DNAAF11: variants seen among roughly 807,000 people sequenced by gnomAD.
DNAAF11 encodes the protein leucine rich repeat containing 6.
DNAAF11 carries 45 observed loss-of-function variants against 60.8 expected under a neutral mutation model. The ratio of observed to expected loss-of-function variants is 0.74; its 90% CI spans 0.58 to 0.95. The LOEUF is 0.95. Ranked by LOEUF, DNAAF11 falls within the 40% of genes least tolerant of loss-of-function variation. The pLI is 0.00. For missense variants in DNAAF11, 546 were observed against 546.2 expected (o/e 1.00, Z 0.00); for synonymous variants, 191 against 183.5 (o/e 1.04, Z -0.33).
intron 5 of DNAAF11, among the ~76,000 whole-genome samples, chr8:132,631,128 TCTG>T (rs1820757571): frequency 6.6e-6 from 1 of 152,218 alleles, no homozygotes; most frequent in Non-Finnish European, 1.5e-5. Flanking sequence ...TTGGGCATCT[TCTG>T]TTGTGCCAGG....
At chr8:132,624,038 TA>T (rs1820010185) in intron 6 of DNAAF11, among the ~76,000 whole-genome samples, 1 of 151,886 alleles carries the variant, frequency 6.6e-6, no homozygotes, top group African/African-American at 2.4e-5. Flanking sequence ...TAACAGGGAG[TA>T]AAAAAAATTT....
intron 3 of DNAAF11, among the ~76,000 whole-genome samples, chr8:132,645,308 C>T (rs992329362): frequency 1.3e-5 from 2 of 152,102 alleles, no homozygotes; most frequent in African/African-American, 2.4e-5. Flanking sequence ...ACAGAAAGGA[C>T]ATCCACACCA....
intron 1 of DNAAF11, among the ~76,000 whole-genome samples, chr8:132,666,341 C>T (rs528428558): frequency 5.9e-5 from 9 of 152,246 alleles, no homozygotes; most frequent in African/African-American, 2.2e-4. Context: ...AATGGATATG[C>T]TAATTACCCT....
intron 10 of DNAAF11, among the ~76,000 whole-genome samples, chr8:132,591,418 A>C (rs1021765306): frequency 3.3e-5 from 5 of 151,390 alleles, no homozygotes; most frequent in African/African-American, 9.7e-5. Flanking sequence ...TAAGCCATAA[A>C]ATTTTTTTAA....
chr8:132,619,655 T>C lies in DNAAF11; in HGVS notation c.914+2956A>G, dbSNP rs181834866. Among the ~76,000 whole-genome samples, 103 of 152,216 alleles carry C rather than the reference T, an allele frequency of 6.8e-4. 2 individuals carry two copies. Among genetic ancestry groups the C allele is most frequent in the Middle Eastern group, 3.4e-3 (1 of 294 alleles). On this transcript the variant is annotated intron_variant, in intron 7 of 11. Transcript: ENST00000620350. Reference sequence around the variant, plus strand: ...ACCAAGTGCAGACAATTCCATTAAATGGGGGCAGAGAAAAAGAGCTGCGGC... The same window carrying C: ...ACCAAGTGCAGACAATTCCATTAAACGGGGGCAGAGAAAAAGAGCTGCGGC...
chr8:132,655,723 A>G (rs1487378350), intron 3 of DNAAF11, among the ~76,000 whole-genome samples: 1 of 142,814 alleles, frequency 7.0e-6, no homozygotes, highest in African/African-American at 2.9e-5. Flanking sequence ...AATGCTCAAC[A>G]TCATTAATCA....
chr8:132,610,184 C>A lies in DNAAF11; in HGVS notation c.1122G>T (p.Leu374Phe), dbSNP rs754024813. Residue 374 changes from leucine to phenylalanine, a missense_variant, in exon 10 of 12, where the codon TTG (leucine) becomes TTT (phenylalanine). Coordinates refer to ENST00000620350, the MANE Select transcript of DNAAF11 (RefSeq NM_012472.6). Reference protein sequence around the residue: ...SAKRSQTTGHLVICMPKVGEV... With the variant: ...SAKRSQTTGHFVICMPKVGEV... ...GACCTACCTTGGGCATGCAGATGAC[C>A]AAATGACCCGTTGTCTGAGATCTTT... The A allele has an allele frequency of 1.2e-6, 2 of 1,613,826 alleles. No individual in the cohort carries two copies. Among genetic ancestry groups the A allele is most frequent in the East Asian group, 2.2e-5 (1 of 44,866 alleles).
chr8:132,602,483 T>C (rs1476017972), intron 10 of DNAAF11, among the ~76,000 whole-genome samples: 1 of 152,112 alleles, frequency 6.6e-6, no homozygotes, highest in Non-Finnish European at 1.5e-5. Context: ...AGCATTCCCA[T>C]ACTTCCCAAA....
At chr8:132,699,992 A>C in the DNAAF11 span, among the ~76,000 whole-genome samples, 2 of 152,128 alleles carry the variant, frequency 1.3e-5, no homozygotes, top group African/African-American at 2.4e-5. Flanking sequence ...TTCAGGTTAC[A>C]AAAATGTCTT....
chr8:132,624,076 C>T (rs1820015447), intron 6 of DNAAF11, among the ~76,000 whole-genome samples: 1 of 152,094 alleles, frequency 6.6e-6, no homozygotes, highest in Non-Finnish European at 1.5e-5. Context: ...CAATTCATAA[C>T]AGATTAGATA....
chr8:132,634,954 G>A (rs34891861), intron 4 of DNAAF11, among the ~76,000 whole-genome samples: 4,933 of 151,992 alleles, frequency 0.032, 120 homozygotes, highest in South Asian at 0.058. Flanking sequence ...TTGATTGATT[G>A]ATTGATTTCT....
At chr8:132,617,015 T>C (rs972916801) in intron 7 of DNAAF11, among the ~76,000 whole-genome samples, 2 of 152,154 alleles carry the variant, frequency 1.3e-5, no homozygotes, top group African/African-American at 4.8e-5. Flanking sequence ...ACGGTATATC[T>C]TGGGGTGTTT....
intron 1 of DNAAF11, among the ~76,000 whole-genome samples, chr8:132,664,493 C>A (rs56146152): frequency 0.062 from 9,386 of 152,284 alleles, 385 homozygotes; most frequent in South Asian, 0.084. Context: ...TCCTTTGAGA[C>A]ACGGTCTCAC....
intron 1 of DNAAF11, among the ~76,000 whole-genome samples, chr8:132,674,881 C>G (rs2130919480): frequency 6.6e-6 from 1 of 152,104 alleles, no homozygotes; most frequent in Admixed American, 6.5e-5. Context: ...GAGCAAAACT[C>G]TTGTCTCAAA....
intron 10 of DNAAF11, among the ~76,000 whole-genome samples, chr8:132,606,374 A>G (rs987632415): frequency 2.0e-5 from 3 of 152,244 alleles, no homozygotes; most frequent in Admixed American, 6.5e-5. Context: ...GTGGAGGCAG[A>G]AGACAGTGAT....
intron 8 of DNAAF11, among the ~76,000 whole-genome samples, chr8:132,612,754 A>G (rs1442239424): frequency 6.6e-6 from 1 of 152,222 alleles, no homozygotes; most frequent in Non-Finnish European, 1.5e-5. Context: ...AGCAGGCGTG[A>G]ACGAATGAAT....
chr8:132,687,063 A>T, the DNAAF11 span, among the ~76,000 whole-genome samples: 1 of 152,200 alleles, frequency 6.6e-6, no homozygotes, highest in Non-Finnish European at 1.5e-5. Context: ...ACACTCAATG[A>T]ACCAGGAAAC....
chr8:132,684,924 C>T, the DNAAF11 span: 1 of 152,196 alleles, frequency 6.6e-6, no homozygotes, highest in Non-Finnish European at 1.5e-5. Flanking sequence ...ATGGAGAGTT[C>T]AATCCTTTCC....
chr8:132,664,343 C>T lies in DNAAF11; in HGVS notation c.11-2716G>A, dbSNP rs373848250. Among the ~76,000 whole-genome samples the T allele has an allele frequency of 7.2e-5, 11 of 152,308 alleles. No individual in the cohort carries two copies. The East Asian group carries it at 1.2e-3, about 16-fold the overall frequency. ...TCAGGGCTGCTCAAGGTATCACAGG[C>T]GCCTCTAGTCTACACTGTGAAAGGC... On this transcript the variant is annotated intron_variant, in intron 1 of 11. Coordinates refer to ENST00000620350, the MANE Select transcript of DNAAF11 (RefSeq NM_012472.6).
Sources: gnomAD v4.1 joint callset for allele counts (sites outside exome capture counted in the v4.1 genomes callset) on GRCh38, gnomAD v4.1.1 for gene constraint, MANE v1.5 for transcripts, NCBI Gene and HGNC (gene_info 2026-07-23, HGNC 2026-07-21) for gene names.